The following ADAMTS14 variants were observed in gnomAD, a reference collection of about 807,000 sequenced individuals.
ADAMTS14 encodes the protein ADAM metallopeptidase with thrombospondin type 1 motif 14.
ADAMTS14 carries 100 observed loss-of-function variants against 128.6 expected under a neutral mutation model. That is an observed-to-expected ratio of 0.78 (90% CI 0.66 to 0.92). The LOEUF (loss-of-function observed/expected upper bound fraction) is 0.92, where lower values mean the gene tolerates loss of function less well. Among genes scored for constraint, ADAMTS14 ranks in the 40% least tolerant of loss-of-function variants. The pLI is 0.00. For synonymous variants in ADAMTS14, 665 were observed against 653.8 expected (o/e 1.02, Z -0.26); for missense variants, 1,562 against 1,658.6 (o/e 0.94, Z 1.01).
At chr10:70,746,170 C>G (rs1290766455) in intron 15 of ADAMTS14, among the ~76,000 whole-genome samples, 1 of 152,182 alleles carries the variant, frequency 6.6e-6, no homozygotes, top group Non-Finnish European at 1.5e-5. Flanking sequence ...TATAATCATA[C>G]TTAAACACCA....
chr10:70,757,640 T>A (rs1010372001), intron 19 of ADAMTS14, among the ~76,000 whole-genome samples: 4 of 152,142 alleles, frequency 2.6e-5, no homozygotes, highest in Non-Finnish European at 4.4e-5. Context: ...CAGGTGGTAG[T>A]AGGGAATGGG....
intron 2 of ADAMTS14, among the ~76,000 whole-genome samples, chr10:70,687,996 T>G (rs1288296279): frequency 1.8e-4 from 9 of 49,028 alleles, no homozygotes; most frequent in Admixed American, 4.1e-4. Flanking sequence ...CCGGACGGGG[T>G]GGCTGCCGGG....
chr10:70,682,989 G>C (rs1003183068), intron 2 of ADAMTS14, among the ~76,000 whole-genome samples: 20 of 152,222 alleles, frequency 1.3e-4, no homozygotes, highest in African/African-American at 4.8e-4. Flanking sequence ...GTTAGATGAG[G>C]GGACAGCATT....
intron 2 of ADAMTS14, among the ~76,000 whole-genome samples, chr10:70,680,178 G>A (rs1329702681): frequency 6.6e-6 from 1 of 152,196 alleles, no homozygotes; most frequent in Non-Finnish European, 1.5e-5. Context: ...GAGGCAGGTG[G>A]ATCACCTGAG....
Position 70,762,361 on chromosome 10 carries a change from C to A in ADAMTS14, c.*1508C>A, listed in dbSNP as rs1842629911. Reference sequence around the variant, plus strand: ...GTCATTCCTGTGAGAACCAGCCTGGCCTGTGTTAAACTCTTGTGCCTTGGA... The same window carrying A: ...GTCATTCCTGTGAGAACCAGCCTGGACTGTGTTAAACTCTTGTGCCTTGGA... On this transcript the variant is annotated 3_prime_UTR_variant, in exon 22 of 22. Coordinates refer to ENST00000373207, the MANE Select transcript of ADAMTS14 (RefSeq NM_080722.4). The A allele has an allele frequency of 6.6e-6, 1 of 152,262 alleles. No individual in the cohort carries two copies. The allele number at this position is 152,262 out of a possible 1,614,324, so 9.4% of individuals were successfully genotyped here.
Position 70,741,176 on chromosome 10 carries a change from AC to A in ADAMTS14, c.1924+20del, listed in dbSNP as rs764789639. 3.1e-6 allele frequency: 5 copies of A among 1,607,656 alleles called. No homozygotes were observed. Among genetic ancestry groups the A allele is most frequent in the South Asian group, 2.2e-5 (2 of 90,920 alleles). On this transcript the variant is annotated intron_variant, in intron 12 of 21. Coordinates refer to ENST00000373207, the MANE Select transcript of ADAMTS14 (RefSeq NM_080722.4). ...AGCCTGACGATGGTGAGTGGGCCCC[AC>A]CCCCCTCCCACTCCATGTCCTTAGG...
intron 4 of ADAMTS14, among the ~76,000 whole-genome samples, chr10:70,723,490 G>A (rs1841334760): frequency 6.6e-6 from 1 of 152,216 alleles, no homozygotes; most frequent in Non-Finnish European, 1.5e-5. Context: ...GGGAGTTTCT[G>A]TAATATCCTT....
At chr10:70,748,621 G>T (rs1842256228) in intron 15 of ADAMTS14, among the ~76,000 whole-genome samples, 1 of 152,230 alleles carries the variant, frequency 6.6e-6, no homozygotes, top group Non-Finnish European at 1.5e-5. Context: ...CCAGGACACT[G>T]TGTGTCTAGG....
intron 15 of ADAMTS14, 21 bp from the exon 16 acceptor site, chr10:70,749,801 C>A (rs1409609682): frequency 3.1e-6 from 5 of 1,611,588 alleles, no homozygotes; most frequent in African/African-American, 1.3e-5. Flanking sequence ...ATCTGTGTGA[C>A]CCTCTCCCCC....
chr10:70,680,320 G>A (rs58251298), intron 2 of ADAMTS14, among the ~76,000 whole-genome samples: 3 of 150,942 alleles, frequency 2.0e-5, no homozygotes, highest in Non-Finnish European at 4.4e-5. Context: ...GAATCGCATC[G>A]CTTGAACCCG....
rs757243783 is a variant in ADAMTS14, at chr10:70,674,926, G to A, written c.453G>A (p.Glu151=). The change falls in exon 2 of 22, where the codon GAG becomes GAA. Residue 151 remains glutamate, a synonymous_variant. Transcript: ENST00000373207. ...TGTTCCGGCAGCCCTTACGGCAGGA[G>A]TGTGTGTACACTGGAGGTGTCACTG... The part of the protein sequence containing the change: ...RELFRQPLRQ[E]CVYTGGVTGM... The A allele has an allele frequency of 1.1e-5, 17 of 1,613,200 alleles. No individual in the cohort carries two copies. Among genetic ancestry groups the A allele is most frequent in the East Asian group, 2.2e-5 (1 of 44,894 alleles).
chr10:70,741,868 C>CA (rs1842010991), intron 12 of ADAMTS14, among the ~76,000 whole-genome samples: 1 of 152,186 alleles, frequency 6.6e-6, no homozygotes, highest in African/African-American at 2.4e-5. Context: ...CGTGGCAAGT[C>CA]AGAGCCTCGG....
chr10:70,706,049 T>C (rs966583076), intron 3 of ADAMTS14, among the ~76,000 whole-genome samples: 1 of 152,188 alleles, frequency 6.6e-6, no homozygotes, highest in Non-Finnish European at 1.5e-5. Context: ...CTTGGATGGC[T>C]CATGGCAGCT....
Position 70,672,844 on chromosome 10 carries a change from G to T in ADAMTS14, c.42G>T (p.Leu14Phe). 6.6e-7 allele frequency: 1 copy of T among 1,513,348 alleles called. No homozygotes were observed. The allele number at this position is 1,513,348 out of a possible 1,614,324, so 93.7% of individuals were successfully genotyped here. Reference sequence around the variant, plus strand: ...CGCTGCTGTCCTACCTGCTGCCTTTGCACTGTGCGCTCTGCGCCGCCGCGG... The same window carrying T: ...CGCTGCTGTCCTACCTGCTGCCTTTTCACTGTGCGCTCTGCGCCGCCGCGG... The part of the protein sequence containing the change: ...LRALLSYLLP[L>F]HCALCAAAGS... Residue 14 changes from leucine (L) to phenylalanine (F), a missense_variant, in exon 1 of 22, where the codon TTG (leucine) becomes TTT (phenylalanine). Physicochemically the swap from Leu to Phe is conservative, Grantham distance 22. Transcript: ENST00000373207.
chr10:70,699,562 C>T (rs557303765), intron 2 of ADAMTS14, among the ~76,000 whole-genome samples: 30 of 151,918 alleles, frequency 2.0e-4, no homozygotes, highest in African/African-American at 3.4e-4. Flanking sequence ...CAGACTGGGA[C>T]GAGCACGATG....
At chr10:70,743,920 G>A (rs569330067) in intron 13 of ADAMTS14, 146 bp from the exon 14 acceptor site, 75 of 1,240,510 alleles carry the variant, frequency 6.0e-5, no homozygotes, top group Non-Finnish European at 7.4e-5. Flanking sequence ...CAGGTCCCAC[G>A]GTGAATTCGT....
intron 15 of ADAMTS14, among the ~76,000 whole-genome samples, chr10:70,748,145 G>A (rs1564555978): frequency 6.6e-6 from 1 of 152,200 alleles, no homozygotes. Flanking sequence ...TATGAATATT[G>A]TTTTCCCGCT....
At chr10:70,696,342 A>G (rs1425251220) in intron 2 of ADAMTS14, among the ~76,000 whole-genome samples, 1 of 139,838 alleles carries the variant, frequency 7.2e-6, no homozygotes, top group African/African-American at 2.6e-5. Flanking sequence ...GCCTTGGAGT[A>G]TGAGACTGGG....
intron 11 of ADAMTS14, among the ~76,000 whole-genome samples, chr10:70,739,300 G>T (rs575540908): frequency 2.0e-5 from 3 of 152,160 alleles, no homozygotes; most frequent in South Asian, 2.1e-4. Context: ...TCATGACCCC[G>T]ACCCTCTGGC....
Sources: allele counts gnomAD v4.1 joint callset (sites outside exome capture counted in the v4.1 genomes callset), GRCh38; gene constraint gnomAD v4.1.1; transcripts MANE v1.5; gene names NCBI Gene and HGNC (gene_info 2026-07-23, HGNC 2026-07-21).